The following TAFA5 variants were observed in gnomAD, a reference collection of about 807,000 sequenced individuals.
TAFA5 encodes TAFA chemokine like family member 5.
In TAFA5, 6 loss-of-function variants were observed where a neutral mutation model predicts 15.3. That is an observed-to-expected ratio of 0.39 (90% CI 0.21 to 0.77). The LOEUF (loss-of-function observed/expected upper bound fraction) is 0.77. TAFA5 is among the 30% of genes least tolerant of loss of function. The pLI, the probability that TAFA5 is intolerant of heterozygous loss-of-function variation, is 0.41. For missense variants in TAFA5, 161 were observed against 193.1 expected, an observed-to-expected ratio of 0.83 and a Z score of 0.98; for synonymous variants, 103 against 80.7, an observed-to-expected ratio of 1.28 and a Z score of -1.48.
At chr22:48,527,296 G>C (rs1921813455) in intron 1 of TAFA5, among the ~76,000 whole-genome samples, 1 of 152,226 alleles carries the variant, frequency 6.6e-6, no homozygotes, top group South Asian at 2.1e-4. Context: ...CCAGGCCTGG[G>C]GGGTCTCTGA....
At chr22:48,582,789 C>T (rs1262805470) in intron 1 of TAFA5, among the ~76,000 whole-genome samples, 2 of 149,292 alleles carry the variant, frequency 1.3e-5, no homozygotes, top group African/African-American at 4.9e-5. Context: ...ACACCACACA[C>T]AAAATACACC....
In TAFA5 at chr22:48,669,125, C is replaced by A. The variant is rs545418574; in HGVS notation, c.262+22379C>A. Among the ~76,000 whole-genome samples the A allele has an allele frequency of 3.9e-5, 6 of 152,344 alleles. No homozygotes were observed. The East Asian group carries it at 1.2e-3, about 29-fold the overall frequency. ...GAGGCACCGTCTGTGAACCAGGAAG[C>A]CCCCGCCAGACACCGAATCTGCTGA... On this transcript the variant is annotated intron_variant, in intron 2 of 3. Transcript: ENST00000402357.
In TAFA5 at chr22:48,558,200, G is replaced by A. The variant is rs567206690; in HGVS notation, c.112+68496G>A. On this transcript the variant is annotated intron_variant, in intron 1 of 3. Transcript: ENST00000402357. ...AACATCCCAATCTAGTCATTATTGC[G>A]TCTTCGCTCTCCGTGGCTGCATTAT... is the stretch of plus-strand genomic sequence containing the variant. Among the ~76,000 whole-genome samples the A allele has an allele frequency of 3.7e-4, 57 of 152,292 alleles. 1 individual carries two copies. The highest frequency in any genetic ancestry group is 3.4e-3 in the Middle Eastern group (1 of 294).
intron 1 of TAFA5, among the ~76,000 whole-genome samples, chr22:48,636,710 G>C (rs1189698727): frequency 6.6e-6 from 1 of 152,186 alleles, no homozygotes; most frequent in Non-Finnish European, 1.5e-5. Context: ...AACCCCAGGA[G>C]CCCCCAGGGC....
intron 2 of TAFA5, among the ~76,000 whole-genome samples, chr22:48,661,674 T>A (rs1927445993): frequency 6.6e-6 from 1 of 152,104 alleles, no homozygotes; most frequent in South Asian, 2.1e-4. Context: ...TGCCGGGGGC[T>A]CGTTCCCCCA....
Position 48,591,679 on chromosome 22 carries a change from G to A in TAFA5, c.113-54918G>A, listed in dbSNP as rs553566537. ...CCAGAGCAGCTGGAAGGTGAATGCC[G>A]GAGCCTGGGCCTGACCCTGAGCTGG... is the stretch of plus-strand genomic sequence containing the variant. On this transcript the variant is annotated intron_variant, in intron 1 of 3. Transcript: ENST00000402357. Among the ~76,000 whole-genome samples the A allele has an allele frequency of 6.6e-5, 10 of 152,274 alleles. 1 individual carries two copies. The highest frequency in any genetic ancestry group is 4.2e-4 in the South Asian group (2 of 4,808).
At chr22:48,639,541 G>A (rs1442929902) in intron 1 of TAFA5, among the ~76,000 whole-genome samples, 2 of 152,180 alleles carry the variant, frequency 1.3e-5, no homozygotes, top group African/African-American at 2.4e-5. Flanking sequence ...CACCCTGAGG[G>A]CCTGTTTCCC....
intron 2 of TAFA5, among the ~76,000 whole-genome samples, chr22:48,658,110 C>T (rs972839933): frequency 6.6e-6 from 1 of 152,182 alleles, no homozygotes; most frequent in Non-Finnish European, 1.5e-5. Context: ...CTGATTGCGG[C>T]CATTAGCAGG....
At chr22:48,713,865 G>A (rs130163) in intron 3 of TAFA5, among the ~76,000 whole-genome samples, 101,113 of 152,106 alleles carry the variant, frequency 0.66, 33,738 homozygotes, top group Middle Eastern at 0.72. Flanking sequence ...AGGTCTCTTC[G>A]TTCTCGGATT....
chr22:48,623,475 G>A (rs1156335633), intron 1 of TAFA5, among the ~76,000 whole-genome samples: 1 of 152,170 alleles, frequency 6.6e-6, no homozygotes, highest in East Asian at 1.9e-4. Context: ...GGGACGGGAC[G>A]CAGCCCGTGA....
At chr22:48,625,222 CAGAG>C (rs1925987080) in intron 1 of TAFA5, among the ~76,000 whole-genome samples, 1 of 152,132 alleles carries the variant, frequency 6.6e-6, no homozygotes, top group Non-Finnish European at 1.5e-5. Context: ...TCTTGGCCGA[CAGAG>C]GGAGGAGATG....
chr22:48,574,332 G>A (rs1923685850), intron 1 of TAFA5, among the ~76,000 whole-genome samples: 1 of 152,154 alleles, frequency 6.6e-6, no homozygotes, highest in Non-Finnish European at 1.5e-5. Flanking sequence ...GAACTGCTTC[G>A]TGGATGGCCT....
At chr22:48,652,485 C>G (rs576126017) in intron 2 of TAFA5, among the ~76,000 whole-genome samples, 2 of 152,220 alleles carry the variant, frequency 1.3e-5, no homozygotes, top group Admixed American at 6.5e-5. Context: ...AGACCGCCTG[C>G]TGGCAGTTGG....
intron 2 of TAFA5, among the ~76,000 whole-genome samples, chr22:48,651,895 A>G (rs1008401202): frequency 6.6e-6 from 1 of 151,866 alleles, no homozygotes; most frequent in Non-Finnish European, 1.5e-5. Context: ...GGGGATGGGG[A>G]CCACACTGAT....
chr22:48,490,234 C>T lies in TAFA5; in HGVS notation c.112+530C>T, dbSNP rs1003017323. Among the ~76,000 whole-genome samples the T allele has an allele frequency of 6.6e-6, 1 of 152,132 alleles. No individual in the cohort carries two copies. On this transcript the variant is annotated intron_variant, in intron 1 of 3. Coordinates refer to ENST00000402357, the MANE Select transcript of TAFA5 (RefSeq NM_001082967.3). The surrounding 1 kb of genome is among the most constrained non-coding windows in gnomAD (Gnocchi z 5.8). ...CCGCTTTCCCGGGAAACGGGCTCGT[C>T]AGGCGCCTTCTGGAAAGAGAAGCGA...
At position 48,742,972 on chromosome 22, in the gene TAFA5, C is replaced by T. The variant is rs141241881; in HGVS notation, c.391-6867C>T. 3.9e-4 allele frequency among the ~76,000 whole-genome samples: 60 copies of T among 152,298 alleles called. No individual in the cohort carries two copies. The East Asian group carries it at 0.011, about 28-fold the overall frequency. On this transcript the variant is annotated intron_variant, in intron 3 of 3. Transcript: ENST00000402357. The surrounding 1 kb of genome is among the most constrained non-coding windows in gnomAD (Gnocchi z 6.2). ...CCCCGCCCTCAGCCCAGCCCTGGGA[C>T]GCAGGCTCAGCAGCCCCCGGATTCC...
At chr22:48,601,844 C>T (rs535654544) in intron 1 of TAFA5, among the ~76,000 whole-genome samples, 10 of 152,338 alleles carry the variant, frequency 6.6e-5, no homozygotes, top group African/African-American at 2.4e-4. Context: ...TGGCATATTT[C>T]TGGAAGGCCT....
At chr22:48,575,575 G>A (rs1257627436) in intron 1 of TAFA5, among the ~76,000 whole-genome samples, 4 of 146,250 alleles carry the variant, frequency 2.7e-5, no homozygotes, top group South Asian at 4.2e-4. Flanking sequence ...CAGCGTCGCC[G>A]GCCCCACCTG....
rs948932649 is a variant in TAFA5, at chr22:48,552,654, G to A, written c.112+62950G>A. On this transcript the variant is annotated intron_variant, in intron 1 of 3. Transcript: ENST00000402357. The surrounding 1 kb of genome is among the most constrained non-coding windows in gnomAD (Gnocchi z 4.1). ...CAGGGTGGGAGACCCCTTCCAGAGGGGCCCCTGTAGATTAGCTCAGCTTAC... is the reference window on the plus strand; with the variant it reads ...CAGGGTGGGAGACCCCTTCCAGAGGAGCCCCTGTAGATTAGCTCAGCTTAC... Among the ~76,000 whole-genome samples, 2 of 152,118 alleles carry A rather than the reference G, an allele frequency of 1.3e-5. No individual in the cohort carries two copies. The highest frequency in any genetic ancestry group is 2.9e-5 in the Non-Finnish European group (2 of 67,998).
Sources: gnomAD v4.1 joint callset for allele counts (sites outside exome capture counted in the v4.1 genomes callset) on GRCh38, gnomAD v4.1.1 for gene constraint, Gnocchi (gnomAD v3.1) non-coding constraint, MANE v1.5 for transcripts, NCBI Gene and HGNC (gene_info 2026-07-23, HGNC 2026-07-21) for gene names.